The following ANK3 variants were observed in gnomAD, a reference collection of about 807,000 sequenced individuals.
ANK3 encodes the protein ankyrin-3.
Under a neutral mutation model 370.9 loss-of-function variants are expected in ANK3, and 57 were observed. That is an observed-to-expected ratio of 0.15 (90% CI 0.12 to 0.19). ANK3 has a LOEUF of 0.19. Ranked by LOEUF, ANK3 falls within the 10% of genes least tolerant of loss-of-function variation. The pLI, the probability that ANK3 is intolerant of heterozygous loss-of-function variation, is 1.00. For synonymous variants in ANK3, 1,929 were observed against 1,946.3 expected (o/e 0.99, Z 0.23); for missense variants, 4,439 against 5,302.1 (o/e 0.84, Z 5.06).
chr10:60,604,554 G>C (rs1231264275), intron 2 of ANK3, among the ~76,000 whole-genome samples: 1 of 152,172 alleles, frequency 6.6e-6, no homozygotes, highest in Non-Finnish European at 1.5e-5. Flanking sequence ...TCTCCTGGTT[G>C]CATAGCAACG....
At chr10:60,141,160 C>G (rs2094540731) in intron 23 of ANK3, 3 of 339,670 alleles carry the variant, frequency 8.8e-6, no homozygotes, top group Non-Finnish European at 1.3e-5. Context: ...CTCCAAGAGG[C>G]ACTTTGCAAT....
chr10:60,228,614 T>G (rs910473215), intron 8 of ANK3, among the ~76,000 whole-genome samples: 2 of 152,040 alleles, frequency 1.3e-5, no homozygotes, highest in Non-Finnish European at 2.9e-5. Flanking sequence ...TTGAAACAAT[T>G]TAGTATTCAT....
At chr10:60,168,057 G>T (rs942147969) in intron 21 of ANK3, among the ~76,000 whole-genome samples, 4 of 151,946 alleles carry the variant, frequency 2.6e-5, no homozygotes, top group Non-Finnish European at 4.4e-5. Flanking sequence ...ACCAAGTCTC[G>T]CTCTGTTTCC....
intron 40 of ANK3, chr10:60,059,668 C>A: frequency 6.3e-7 from 1 of 1,579,430 alleles, no homozygotes; most frequent in East Asian, 2.2e-5. Context: ...GGGGACCCAG[C>A]CAAATTTCCA....
At chr10:60,080,270 C>T (rs2084876868) in intron 36 of ANK3, among the ~76,000 whole-genome samples, 1 of 152,018 alleles carries the variant, frequency 6.6e-6, no homozygotes. Flanking sequence ...AAGTAAAAAT[C>T]AAGGTTTTAA....
At chr10:60,358,099 TACACACACACACACACACACAAACAC>T (rs1231873059) in intron 1 of ANK3, among the ~76,000 whole-genome samples, 2 of 121,660 alleles carry the variant, frequency 1.6e-5, no homozygotes, top group South Asian at 3.1e-4. Flanking sequence ...TGCATATGTA[TACACACACACACACACACACAAACAC>T]ACACACACAC....
intron 2 of ANK3, among the ~76,000 whole-genome samples, chr10:60,521,288 T>A (rs374506912): frequency 2.0e-4 from 31 of 152,238 alleles, no homozygotes; most frequent in African/African-American, 6.5e-4. Flanking sequence ...TTGCAACTAA[T>A]TTTTTTAAAT....
intron 2 of ANK3, among the ~76,000 whole-genome samples, chr10:60,606,419 C>T (rs1392169455): frequency 6.6e-6 from 1 of 151,844 alleles, no homozygotes; most frequent in Admixed American, 6.6e-5. Context: ...AAAGTCTTCC[C>T]TCATTTGGTG....
intron 1 of ANK3, among the ~76,000 whole-genome samples, chr10:60,659,418 C>G (rs141882286): frequency 1.2e-3 from 189 of 152,194 alleles, no homozygotes; most frequent in African/African-American, 4.2e-3. Context: ...TTTCCAGTAT[C>G]TGTAAATAAT....
intron 16 of ANK3, among the ~76,000 whole-genome samples, chr10:60,190,045 C>T (rs1214659143): frequency 6.6e-6 from 1 of 152,148 alleles, no homozygotes; most frequent in Non-Finnish European, 1.5e-5. Flanking sequence ...TAAGGTCCTG[C>T]CACAGGAAAT....
At chr10:60,689,821 T>C (rs1336119062) in intron 1 of ANK3, among the ~76,000 whole-genome samples, 1 of 151,786 alleles carries the variant, frequency 6.6e-6, no homozygotes, top group Non-Finnish European at 1.5e-5. Context: ...AGATTTTAGA[T>C]TTATATAGAT....
At position 60,389,747 on chromosome 10, in the gene ANK3, C is replaced by T. The variant is rs569909194; in HGVS notation, c.-209G>A. ...ATGGTGTCCGGACTTCATCCTACAC[C>T]TTCCTCTACCTGAACCTTTACAGGA... On this transcript the variant is annotated 5_prime_UTR_variant, in exon 1 of 44. Transcript: ENST00000280772. 4 of 1,407,908 alleles carry T rather than the reference C, an allele frequency of 2.8e-6. No homozygotes were observed. The highest frequency in any genetic ancestry group is 3.7e-6 in the Non-Finnish European group (4 of 1,085,252). 87.2% of individuals were successfully genotyped at this position (1,407,908 alleles called of 1,614,324 possible).
At chr10:60,598,412 T>G (rs1022036457) in intron 2 of ANK3, among the ~76,000 whole-genome samples, 5 of 152,238 alleles carry the variant, frequency 3.3e-5, no homozygotes, top group Non-Finnish European at 5.9e-5. Flanking sequence ...CTATCTTGCC[T>G]ACTTTATCTA....
At chr10:60,111,186 T>C (rs2092683536) in intron 26 of ANK3, among the ~76,000 whole-genome samples, 1 of 152,166 alleles carries the variant, frequency 6.6e-6, no homozygotes, top group Non-Finnish European at 1.5e-5. Flanking sequence ...TTTATCAGAT[T>C]AAAATAAAAA....
intron 1 of ANK3, among the ~76,000 whole-genome samples, chr10:60,731,755 G>C (rs1490338556): frequency 6.6e-6 from 1 of 152,190 alleles, no homozygotes; most frequent in Non-Finnish European, 1.5e-5. Flanking sequence ...TGTCCAATCT[G>C]AGACTGCCTC....
intron 1 of ANK3, among the ~76,000 whole-genome samples, chr10:60,623,280 A>C (rs373045901): frequency 6.6e-6 from 1 of 152,194 alleles, no homozygotes; most frequent in Non-Finnish European, 1.5e-5. Flanking sequence ...TGCAAAGCCA[A>C]CCGTAGCAAG....
intron 8 of ANK3, among the ~76,000 whole-genome samples, chr10:60,224,754 G>A (rs1171878512): frequency 2.0e-5 from 3 of 151,758 alleles, no homozygotes; most frequent in Non-Finnish European, 4.4e-5. Flanking sequence ...CATGGCTGTA[G>A]AACAGGATAT....
chr10:60,213,065 T>G (rs1205291775), intron 9 of ANK3, among the ~76,000 whole-genome samples: 4 of 152,150 alleles, frequency 2.6e-5, no homozygotes, highest in African/African-American at 9.7e-5. Context: ...GCTGAGGTGC[T>G]GAAGATAGCC....
In ANK3 at chr10:60,063,249, C is replaced by T. The variant is rs2080956436; in HGVS notation, c.12457G>A (p.Ala4153Thr). The change falls in exon 40 of 44, where the codon GCC becomes ACC. Residue 4153 changes from alanine (A) to threonine (T), a missense_variant. Ala to Thr is a moderately conservative substitution (Grantham distance 58, BLOSUM62 0). Around this residue, in one of 13 missense-constraint regions of ANK3, gnomAD observed 99 missense variants for 150.7 expected, o/e 0.66. Coordinates refer to ENST00000280772, the MANE Select transcript of ANK3 (RefSeq NM_020987.5). ...TRDGKNATTD[A>T]LTSVLTKINR... is the part of the protein sequence containing the mutation. The stretch of plus-strand genomic sequence containing the variant: ...ATTTTTGTCAAGACCGAAGTTAAGG[C>T]ATCAGCTGAAAAGGAGAAAAAAAGG... 1.2e-6 allele frequency: 2 copies of T among 1,606,682 alleles called. No homozygotes were observed. The highest frequency in any genetic ancestry group is 1.3e-5 in the African/African-American group (1 of 74,588).
Sources: gnomAD v4.1 joint callset for allele counts (sites outside exome capture counted in the v4.1 genomes callset) on GRCh38, gnomAD v4.1.1 for gene constraint, gnomAD v4.1.1 regional missense constraint, MANE v1.5 for transcripts, NCBI Gene and HGNC (gene_info 2026-07-23, HGNC 2026-07-21) for gene names.